Variants in TEX9 observed in about 807,000 individuals in gnomAD.
TEX9 encodes testis-expressed protein 9.
A neutral mutation model predicts 59.6 loss-of-function variants in TEX9; 74 were observed. That is an observed-to-expected ratio of 1.24 (90% CI 1.03 to 1.51). The LOEUF is 1.51. TEX9 is among the 40% of genes most tolerant of loss of function. The pLI is 0.00. For synonymous variants in TEX9, 186 were observed against 152.2 expected, an observed-to-expected ratio of 1.22 and a Z score of -1.64; for missense variants, 522 against 447.8, an observed-to-expected ratio of 1.17 and a Z score of -1.49.
intron 1 of TEX9, among the ~76,000 whole-genome samples, chr15:56,311,126 T>TTTTTTTTTTTAATTTC (rs1417776253): frequency 3.1e-4 from 8 of 26,056 alleles, no homozygotes; most frequent in African/African-American, 7.8e-4. Flanking sequence ...TCCTTATTTC[T>TTTTTTTTTTTAATTTC]TTTTTTTTTT....
At chr15:56,433,614 T>TA (rs2050659350) in intron 12 of TEX9, among the ~76,000 whole-genome samples, 1 of 152,080 alleles carries the variant, frequency 6.6e-6, no homozygotes, top group Non-Finnish European at 1.5e-5. Flanking sequence ...AATAACTTAC[T>TA]TACTGATCTC....
chr15:56,323,457 T>A, intron 1 of TEX9: 1 of 171,088 alleles, frequency 5.8e-6, no homozygotes, highest in Non-Finnish European at 1.2e-5. Flanking sequence ...ATCCCATTGG[T>A]GATGAGGCAA....
chr15:56,277,335 T>C (rs1318714751), intron 1 of TEX9, among the ~76,000 whole-genome samples: 1 of 152,204 alleles, frequency 6.6e-6, no homozygotes, highest in African/African-American at 2.4e-5. Context: ...TAATCCATCT[T>C]GAGTTAATTT....
At chr15:56,456,993 G>T in the TEX9 span, among the ~76,000 whole-genome samples, 126 of 152,192 alleles carry the variant, frequency 8.3e-4, 1 homozygote, top group Non-Finnish European at 1.5e-3. Context: ...CTAATACCAT[G>T]TTCATATTCA....
intron 1 of TEX9, among the ~76,000 whole-genome samples, chr15:56,351,961 G>T (rs1003025612): frequency 1.3e-5 from 2 of 152,086 alleles, no homozygotes; most frequent in Admixed American, 6.6e-5. Context: ...TGTTAACAAG[G>T]CATTTTAGAC....
intron 1 of TEX9, among the ~76,000 whole-genome samples, chr15:56,333,186 C>T (rs1295148134): frequency 6.6e-6 from 1 of 151,974 alleles, no homozygotes; most frequent in Non-Finnish European, 1.5e-5. Flanking sequence ...GTTACCCTGA[C>T]ACCAAAACCA....
chr15:56,451,279 T>C, the TEX9 span, among the ~76,000 whole-genome samples: 1 of 152,232 alleles, frequency 6.6e-6, no homozygotes, highest in Non-Finnish European at 1.5e-5. Context: ...CTGCTCCTCC[T>C]GAACCAGGGA....
chr15:56,405,069 A>G (rs973334940), intron 9 of TEX9, among the ~76,000 whole-genome samples: 5 of 152,158 alleles, frequency 3.3e-5, no homozygotes, highest in African/African-American at 1.2e-4. Context: ...AACATGATAC[A>G]TGTATACCCA....
chr15:56,344,485 T>C, intron 1 of TEX9, among the ~76,000 whole-genome samples: 1 of 152,032 alleles, frequency 6.6e-6, no homozygotes, highest in East Asian at 1.9e-4. Flanking sequence ...AGACAGAAAT[T>C]AGTGGTTGCT....
rs180935353 is a variant in TEX9, at chr15:56,258,791, C to T, written c.-107+14513C>T. On this transcript the variant is annotated intron_variant, in intron 1 of 5. Coordinates refer to the TEX9 transcript ENST00000560827. ...GATAGTCTCTTTTGTAAAATGCTTG[C>T]TCAAGTTTTTGCTCATTTTGTTTAT... Among the ~76,000 whole-genome samples the T allele has an allele frequency of 9.5e-4, 144 of 151,552 alleles. 1 individual carries two copies. Among genetic ancestry groups the T allele is most frequent in the Middle Eastern group, 6.8e-3 (2 of 292 alleles).
At chr15:56,329,641 A>G (rs1415271361) in intron 1 of TEX9, among the ~76,000 whole-genome samples, 1 of 152,242 alleles carries the variant, frequency 6.6e-6, no homozygotes, top group Non-Finnish European at 1.5e-5. Flanking sequence ...GAAAAATGCA[A>G]TTGACATACT....
At chr15:56,344,551 C>A (rs1169443243) in intron 1 of TEX9, among the ~76,000 whole-genome samples, 1 of 152,010 alleles carries the variant, frequency 6.6e-6, no homozygotes, top group East Asian at 1.9e-4. Context: ...CACGGGGTTT[C>A]TTTTTGGGTA....
At chr15:56,349,776 C>G (rs1024434836) in intron 1 of TEX9, among the ~76,000 whole-genome samples, 1 of 149,562 alleles carries the variant, frequency 6.7e-6, no homozygotes, top group African/African-American at 2.5e-5. Context: ...CGTGTATATA[C>G]TTGTGAGTGC....
intron 1 of TEX9, among the ~76,000 whole-genome samples, chr15:56,345,515 A>G (rs1228305227): frequency 3.3e-5 from 5 of 152,100 alleles, no homozygotes; most frequent in Non-Finnish European, 4.4e-5. Flanking sequence ...ACTCAAACTC[A>G]TGGGCCCAGA....
chr15:56,443,569 A>G (rs1417033622), intron 12 of TEX9: 8 of 1,580,218 alleles, frequency 5.1e-6, no homozygotes, highest in Non-Finnish European at 6.9e-6. Flanking sequence ...ATAAATATTT[A>G]TAGGATCCAA....
In TEX9 at chr15:56,412,392, GAA is replaced by G; in HGVS notation, c.922_923del (p.Lys308ValfsTer2). On this transcript the variant is annotated frameshift_variant, in exon 10 of 13. Coordinates refer to ENST00000352903, the Ensembl canonical transcript of TEX9. LOFTEE classifies it high-confidence loss of function. ...CTTGAATAGAGCTCTAGAAGAAGCA[GAA>G]AAGTATAAACTGGAGTTAAGTAAAT... The G allele has an allele frequency of 6.2e-7, 1 of 1,613,078 alleles. No homozygotes were observed. Among genetic ancestry groups the G allele is most frequent in the Non-Finnish European group, 8.5e-7 (1 of 1,179,622 alleles).
chr15:56,394,682 A>C (rs768577711), exon 9 of TEX9: 11 of 1,600,208 alleles, frequency 6.9e-6, no homozygotes, highest in Non-Finnish European at 8.5e-6. Context: ...TCAGAATTTA[A>C]AGTCTCAAGT....
chr15:56,412,341 A>G, exon 10 of TEX9: 1 of 1,613,378 alleles, frequency 6.2e-7, no homozygotes, highest in Non-Finnish European at 8.5e-7. Context: ...ACAGGCTGCA[A>G]GTAGTCAAAG....
intron 12 of TEX9, among the ~76,000 whole-genome samples, chr15:56,438,436 G>T (rs1480163556): frequency 6.6e-6 from 1 of 152,100 alleles, no homozygotes; most frequent in Non-Finnish European, 1.5e-5. Flanking sequence ...AAACTGGCTA[G>T]CCATAGGTAG....
Sources: gnomAD v4.1 joint callset for allele counts (sites outside exome capture counted in the v4.1 genomes callset) on GRCh38, gnomAD v4.1.1 for gene constraint, MANE v1.5 for transcripts, NCBI Gene and HGNC (gene_info 2026-07-23, HGNC 2026-07-21) for gene names.